Variants in RAB8B observed in about 807,000 individuals in gnomAD.
The protein encoded by RAB8B is RAB8B, member RAS oncogene family.
Under a neutral mutation model 32.0 loss-of-function variants are expected in RAB8B, and 11 were observed. That is an observed-to-expected ratio of 0.34 (90% CI 0.22 to 0.57). RAB8B has a LOEUF of 0.57. RAB8B is among the 20% of genes least tolerant of loss of function. RAB8B has a pLI of 0.86. For synonymous variants in RAB8B, 103 were observed against 89.6 expected, an observed-to-expected ratio of 1.15 and a Z score of -0.85; for missense variants, 190 against 258.5, an observed-to-expected ratio of 0.73 and a Z score of 1.82.
chr15:63,232,546 CA>C (rs2037943842), intron 1 of RAB8B, among the ~76,000 whole-genome samples: 2 of 152,116 alleles, frequency 1.3e-5, no homozygotes, highest in Admixed American at 1.3e-4. Flanking sequence ...AATTCTGAAA[CA>C]GTGTAAAGCC....
intron 1 of RAB8B, among the ~76,000 whole-genome samples, chr15:63,219,705 A>AT (rs1436390913): frequency 6.6e-6 from 1 of 152,214 alleles, no homozygotes; most frequent in Non-Finnish European, 1.5e-5. Flanking sequence ...GACTTGTCTC[A>AT]TTTTTTAGAA....
intron 1 of RAB8B, among the ~76,000 whole-genome samples, chr15:63,192,332 A>G (rs776640479): frequency 1.3e-5 from 2 of 152,242 alleles, no homozygotes; most frequent in South Asian, 4.1e-4. Context: ...GATTACAAGT[A>G]TAGATTTTGA....
intron 3 of RAB8B, among the ~76,000 whole-genome samples, chr15:63,255,046 C>G (rs1330323660): frequency 1.3e-5 from 2 of 152,126 alleles, no homozygotes; most frequent in African/African-American, 4.8e-5. Flanking sequence ...ATTTTTTGAT[C>G]AACCTACATA....
intron 1 of RAB8B, among the ~76,000 whole-genome samples, chr15:63,197,370 CTT>C (rs58765418): frequency 8.1e-5 from 5 of 61,448 alleles, no homozygotes; most frequent in African/African-American, 2.9e-4. Flanking sequence ...TCTTTCTTTT[CTT>C]TTTTTTTTTT....
chr15:63,196,595 A>T (rs1179176509), intron 1 of RAB8B, among the ~76,000 whole-genome samples: 1 of 152,204 alleles, frequency 6.6e-6, no homozygotes, highest in Non-Finnish European at 1.5e-5. Context: ...CCTGTATTAA[A>T]TGTCTGCACA....
chr15:63,231,578 T>G (rs908676220), intron 1 of RAB8B, among the ~76,000 whole-genome samples: 1 of 152,100 alleles, frequency 6.6e-6, no homozygotes, highest in Non-Finnish European at 1.5e-5. Flanking sequence ...CTGACTCAGT[T>G]GTCAGAATTC....
chr15:63,263,373 A>T (rs2038217614), intron 7 of RAB8B, among the ~76,000 whole-genome samples, 154 bp from the exon 8 acceptor site: 1 of 152,318 alleles, frequency 6.6e-6, no homozygotes, highest in Non-Finnish European at 1.5e-5. Flanking sequence ...TTGGTGCTTA[A>T]CTAGTTCCCG....
In RAB8B at chr15:63,249,720, G is replaced by A. The variant is rs1197331788; in HGVS notation, c.246+15G>A. On this transcript the variant is annotated intron_variant, in intron 3 of 7. Transcript: ENST00000321437. The stretch of plus-strand genomic sequence containing the variant: ...GAGGAGCCATGGTGAGTGTGTTGTA[G>A]GGTTTTGTAACTCTTCAGGTAGAAG... 6.2e-7 allele frequency: 1 copy of A among 1,611,206 alleles called. No homozygotes were observed. Among genetic ancestry groups the A allele is most frequent in the African/African-American group, 1.3e-5 (1 of 74,906 alleles).
intron 1 of RAB8B, among the ~76,000 whole-genome samples, chr15:63,218,831 T>C (rs556108146): frequency 6.6e-6 from 1 of 151,848 alleles, no homozygotes; most frequent in Non-Finnish European, 1.5e-5. Context: ...AATCTTAGCC[T>C]CCCTGCTTGT....
At chr15:63,236,868 T>C in intron 1 of RAB8B, among the ~76,000 whole-genome samples, 1 of 152,210 alleles carries the variant, frequency 6.6e-6, no homozygotes. Context: ...CTATTTTTTG[T>C]ACCCATTAAC....
chr15:63,231,958 G>A (rs1242468860), intron 1 of RAB8B, among the ~76,000 whole-genome samples: 1 of 152,196 alleles, frequency 6.6e-6, no homozygotes, highest in Non-Finnish European at 1.5e-5. Context: ...TTTTCAAAGT[G>A]CAAGATTTGC....
At chr15:63,209,941 C>T (rs773497649) in intron 1 of RAB8B, among the ~76,000 whole-genome samples, 2 of 152,080 alleles carry the variant, frequency 1.3e-5, no homozygotes, top group African/African-American at 4.8e-5. Flanking sequence ...TGATGTTCCC[C>T]TCCCTGTGTC....
chr15:63,257,847 T>G (rs1368971362), intron 5 of RAB8B, among the ~76,000 whole-genome samples: 1 of 151,376 alleles, frequency 6.6e-6, no homozygotes, highest in Non-Finnish European at 1.5e-5. Flanking sequence ...GATCACGAGG[T>G]CAGGAGTTCG....
chr15:63,250,039 G>A lies in RAB8B; in HGVS notation c.246+334G>A, dbSNP rs546291621. On this transcript the variant is annotated intron_variant, in intron 3 of 7. Coordinates refer to ENST00000321437, the MANE Select transcript of RAB8B (RefSeq NM_016530.3). ...TAGTCCCAGCTACTCGGGAGGCTGA[G>A]GCAGGAGAATGGCGTGAACCCAGGA... Among the ~76,000 whole-genome samples the A allele has an allele frequency of 2.6e-5, 4 of 152,310 alleles. No homozygotes were observed. The East Asian group carries it at 7.7e-4, about 29-fold the overall frequency.
intron 5 of RAB8B, among the ~76,000 whole-genome samples, chr15:63,257,321 G>A (rs1341207933): frequency 4.6e-5 from 7 of 150,638 alleles, no homozygotes; most frequent in East Asian, 1.9e-4. Flanking sequence ...GTGCAGTGGC[G>A]TAATCTCAGT....
intron 2 of RAB8B, among the ~76,000 whole-genome samples, chr15:63,245,663 C>T (rs2038064877): frequency 6.6e-6 from 1 of 152,254 alleles, no homozygotes; most frequent in African/African-American, 2.4e-5. Context: ...CCCACTTCAG[C>T]TGCCAGTCAC....
At chr15:63,234,962 C>T (rs1368167044) in intron 1 of RAB8B, among the ~76,000 whole-genome samples, 1 of 152,078 alleles carries the variant, frequency 6.6e-6, no homozygotes, top group Non-Finnish European at 1.5e-5. Context: ...GAAAAGTCCC[C>T]AAACCCCCTG....
At chr15:63,256,810 A>C (rs1379481493) in intron 5 of RAB8B, among the ~76,000 whole-genome samples, 2 of 152,176 alleles carry the variant, frequency 1.3e-5, no homozygotes, top group Non-Finnish European at 2.9e-5. Flanking sequence ...ATTCCTAAAG[A>C]ATTTGCTAAT....
At chr15:63,234,634 G>A (rs1037408895) in intron 1 of RAB8B, among the ~76,000 whole-genome samples, 1 of 152,188 alleles carries the variant, frequency 6.6e-6, no homozygotes, top group East Asian at 1.9e-4. Context: ...AGTACTCTGG[G>A]TAAGAGCTTG....
Sources: allele counts gnomAD v4.1 joint callset (sites outside exome capture counted in the v4.1 genomes callset), GRCh38; gene constraint gnomAD v4.1.1; transcripts MANE v1.5; gene names NCBI Gene and HGNC (gene_info 2026-07-23, HGNC 2026-07-21).